Variants in SPG7 observed in about 807,000 individuals in gnomAD.
SPG7 encodes the protein SPG7 matrix AAA peptidase subunit, paraplegin, also known as mitochondrial inner membrane m-AAA protease component paraplegin.
A neutral mutation model predicts 81.9 loss-of-function variants in SPG7; 103 were observed. That is an observed-to-expected ratio of 1.26 (90% confidence interval 1.07 to 1.48). SPG7 has a LOEUF of 1.48. Among genes scored for constraint, SPG7 ranks in the 40% most tolerant of loss-of-function variants. SPG7 has a pLI of 0.00. For synonymous variants in SPG7, 534 were observed against 444.2 expected (o/e 1.20, Z -2.54); for missense variants, 1,241 against 1,087.3 (o/e 1.14, Z -1.99).
At chr16:89,528,522 T>C (rs1048608544) in intron 5 of SPG7, 16 of 149,110 alleles carry the variant, frequency 1.1e-4, no homozygotes, top group African/African-American at 3.9e-4. Context: ...CTTTGTAGGC[T>C]GATGATGTAC....
At chr16:89,537,813 G>C (rs747627953) in intron 9 of SPG7, 52 of 980,612 alleles carry the variant, frequency 5.3e-5, no homozygotes, top group Non-Finnish European at 1.6e-5. Context: ...TCCTGGTCCT[G>C]GTCCCAGTGT....
At chr16:89,520,884 G>A (rs993496786) in intron 3 of SPG7, 7 of 152,190 alleles carry the variant, frequency 4.6e-5, no homozygotes, top group Admixed American at 2.0e-4. Context: ...TAAAGTTTCA[G>A]AAGTAGGATT....
chr16:89,554,531 G>T lies in SPG7; in HGVS notation c.2149G>T (p.Val717Leu). The change falls in exon 16 of 17, where the codon GTG becomes TTG. Residue 717 changes from valine (V) to leucine (L), a missense_variant. Transcript: ENST00000645818. ...CAAGGCCTACAGACACACCGAGAAG[G>T]TGCTGCAGGACAACCTGGACAAGTT... ...VAKAYRHTEK[V>L]LQDNLDKLQA... 3 of 1,609,864 alleles carry T rather than the reference G, an allele frequency of 1.9e-6. No individual in the cohort carries two copies. Among genetic ancestry groups the T allele is most frequent in the Non-Finnish European group, 2.5e-6 (3 of 1,179,920 alleles).
chr16:89,519,019 T>C (rs1385529424), intron 3 of SPG7: 1 of 152,176 alleles, frequency 6.6e-6, no homozygotes. Context: ...GGTCTGGCTC[T>C]GTCACCCAGG....
At chr16:89,510,153 T>G (rs2152393651) in intron 1 of SPG7, among the ~76,000 whole-genome samples, 1 of 151,852 alleles carries the variant, frequency 6.6e-6, no homozygotes, top group East Asian at 1.9e-4. Flanking sequence ...TTTTGTATTT[T>G]TAGTAGAGAT....
chr16:89,509,768 T>G (rs1199814113), intron 1 of SPG7, among the ~76,000 whole-genome samples: 2 of 150,666 alleles, frequency 1.3e-5, no homozygotes, highest in Non-Finnish European at 3.0e-5. Flanking sequence ...CCAATGTACT[T>G]CTGTGTTTTG....
chr16:89,529,756 A>G, intron 6 of SPG7, 177 bp downstream of exon 6: 1 of 671,658 alleles, frequency 1.5e-6, no homozygotes, highest in South Asian at 1.6e-5. Context: ...GGCGTGTAGT[A>G]ACCAATGTTG....
intron 9 of SPG7, chr16:89,536,772 T>G: frequency 6.2e-7 from 1 of 1,613,938 alleles, no homozygotes; most frequent in Non-Finnish European, 8.5e-7. Flanking sequence ...CAGGTGCCTC[T>G]CTTGACCAGC....
chr16:89,514,308 C>CTTTTTTTTTT (rs148270097), intron 3 of SPG7: 1 of 48,418 alleles, frequency 2.1e-5, no homozygotes, highest in African/African-American at 9.2e-5. Context: ...TGTCCTTTGA[C>CTTTTTTTTTT]TTTTTTTTTT....
intron 3 of SPG7, chr16:89,521,698 T>C (rs1234825017): frequency 6.6e-6 from 1 of 152,210 alleles, no homozygotes; most frequent in East Asian, 1.9e-4. Flanking sequence ...AGCCCAGATA[T>C]GCTCATGAAG....
intron 2 of SPG7, among the ~76,000 whole-genome samples, chr16:89,511,046 C>G (rs1053468287): frequency 3.9e-5 from 6 of 152,144 alleles, no homozygotes; most frequent in Admixed American, 6.5e-5. Flanking sequence ...CCACGTTTCC[C>G]AGGCTGGTCT....
At chr16:89,526,234 C>A in intron 4 of SPG7, 95 bp from the exon 5 acceptor site, 2 of 1,430,396 alleles carry the variant, frequency 1.4e-6, no homozygotes, top group Non-Finnish European at 2.0e-6. Flanking sequence ...CTGAGGTTGT[C>A]ATTACCATGA....
At chr16:89,541,337 A>G (rs540615065) in intron 9 of SPG7, 2 of 984,400 alleles carry the variant, frequency 2.0e-6, no homozygotes, top group South Asian at 4.7e-5. Context: ...CAACAAGGAA[A>G]TGACGCAAAG....
chr16:89,519,175 G>A (rs1168101989), intron 3 of SPG7: 1 of 151,690 alleles, frequency 6.6e-6, no homozygotes, highest in Admixed American at 6.6e-5. Flanking sequence ...AGTAGAGATG[G>A]GGTTTCAGTA....
intron 3 of SPG7, chr16:89,514,246 T>C (rs1355956099): frequency 6.6e-6 from 1 of 151,954 alleles, no homozygotes; most frequent in Non-Finnish European, 1.5e-5. Context: ...AAAATTGTTC[T>C]GAATTGATTT....
intron 2 of SPG7, among the ~76,000 whole-genome samples, chr16:89,512,402 G>A (rs867294537): frequency 1.3e-5 from 2 of 151,746 alleles, no homozygotes; most frequent in Non-Finnish European, 2.9e-5. Flanking sequence ...TGCAACCTCC[G>A]CCTCCCGGGT....
At chr16:89,532,758 A>T in intron 9 of SPG7, 122 bp downstream of exon 9, 2 of 1,195,338 alleles carry the variant, frequency 1.7e-6, no homozygotes, top group Non-Finnish European at 2.4e-6. Context: ...TGACAGAGTG[A>T]GACTCTGTCT....
intron 16 of SPG7, chr16:89,556,092 C>A: frequency 2.5e-6 from 1 of 398,848 alleles, no homozygotes; most frequent in Non-Finnish European, 4.4e-6. Context: ...GCAGGCAAGG[C>A]TTCTCACTGG....
chr16:89,556,035 G>A, intron 16 of SPG7: 1 of 398,828 alleles, frequency 2.5e-6, no homozygotes, highest in Non-Finnish European at 4.4e-6. Context: ...AAGCAGCTCT[G>A]CAGAGCTCGG....
Sources: gnomAD v4.1 joint callset for allele counts (sites outside exome capture counted in the v4.1 genomes callset) on GRCh38, gnomAD v4.1.1 for gene constraint, MANE v1.5 for transcripts, NCBI Gene and HGNC (gene_info 2026-07-23, HGNC 2026-07-21) for gene names.